Variants in GRIN3B observed in about 807,000 individuals in gnomAD.
The protein encoded by GRIN3B is glutamate ionotropic receptor NMDA type subunit 3B.
Under a neutral mutation model 66.0 loss-of-function variants are expected in GRIN3B, and 77 were observed. The observed-to-expected ratio is 1.17, with a 90% CI of 0.97 to 1.41. The LOEUF is 1.41. Ranked by LOEUF, GRIN3B falls within the 40% of genes most tolerant of loss-of-function variation. The probability of loss-of-function intolerance (pLI) is 0.00; values close to 1 mark genes in which losing one functional copy is unlikely to be tolerated. For synonymous variants in GRIN3B, 823 were observed against 749.7 expected (o/e 1.10, Z -1.60); for missense variants, 1,787 against 1,564.5 (o/e 1.14, Z -2.40).
At chr19:1,003,077 G>C (rs867001378) in intron 1 of GRIN3B, 53 bp from the exon 2 acceptor site, 2 of 1,281,268 alleles carry the variant, frequency 1.6e-6, no homozygotes, top group Non-Finnish European at 2.1e-6. Flanking sequence ...GGGTGGGAAG[G>C]GTTTTGTGGG....
rs748523885 is a variant in GRIN3B, at chr19:1,007,681, C to G, written c.2106C>G (p.Ala702=). 16 of 1,535,746 alleles carry G rather than the reference C, an allele frequency of 1.0e-5. No homozygotes were observed. Among genetic ancestry groups the G allele is most frequent in the South Asian group, 9.7e-5 (8 of 82,324 alleles). ...FRFGTVWESS[A]EAYIKKSFPD... ...TCGGCACCGTGTGGGAGAGCAGCGCCGAGGCGTACATCAAGAAGAGCTTCC... is the reference window on the plus strand; with the variant it reads ...TCGGCACCGTGTGGGAGAGCAGCGCGGAGGCGTACATCAAGAAGAGCTTCC... The change falls in exon 4 of 9, where the codon GCC becomes GCG. Residue 702 remains alanine (A), a synonymous_variant. Coordinates refer to ENST00000234389, the MANE Select transcript of GRIN3B (RefSeq NM_138690.3). The surrounding 1 kb of genome is among the most constrained non-coding windows in gnomAD (Gnocchi z 4.4).
At position 1,005,257 on chromosome 19, in the gene GRIN3B, C is replaced by T. The variant is rs1284079631; in HGVS notation, c.1756C>T (p.His586Tyr). 5 of 1,613,530 alleles carry T rather than the reference C, an allele frequency of 3.1e-6. 1 individual carries two copies. The South Asian group carries it at 3.3e-5, about 11-fold the overall frequency. Reference protein sequence around the residue: ...STWLGVFAALHLTALFLTVYE... With the variant: ...STWLGVFAALYLTALFLTVYE... Reference sequence around the variant, plus strand: ...GTGGCTGGGCGTCTTTGCGGCCCTGCACCTCACCGCGCTCTTCCTCACCGT... The same window carrying T: ...GTGGCTGGGCGTCTTTGCGGCCCTGTACCTCACCGCGCTCTTCCTCACCGT... Residue 586 changes from histidine (H) to tyrosine (Y), a missense_variant, in exon 3 of 9, where the codon CAC becomes TAC. Transcript: ENST00000234389. The surrounding 1 kb of genome is among the most constrained non-coding windows in gnomAD (Gnocchi z 5.2).
At position 1,005,314 on chromosome 19, in the gene GRIN3B, C is replaced by T; in HGVS notation, c.1813C>T (p.Pro605Ser). ...YEWRSPYGLT[P>S]RGRNRSTVFS... is the part of the protein sequence containing the mutation. ...GTGGCGTAGCCCCTACGGCCTCACG[C>T]CACGTGGCCGCAACCGCAGCACCGT... Residue 605 changes from proline (P) to serine (S), a missense_variant, in exon 3 of 9, where the codon CCA (proline) becomes TCA (serine). Physicochemically the swap from Pro to Ser is moderately conservative, Grantham distance 74 (BLOSUM62 -1). Coordinates refer to ENST00000234389, the MANE Select transcript of GRIN3B (RefSeq NM_138690.3). The surrounding 1 kb of genome is among the most constrained non-coding windows in gnomAD (Gnocchi z 5.2). 1 of 1,613,678 alleles carries T rather than the reference C, an allele frequency of 6.2e-7. No homozygotes were observed.
intron 2 of GRIN3B, 69 bp from the exon 3 acceptor site, chr19:1,004,452 C>A: frequency 7.3e-7 from 1 of 1,368,690 alleles, no homozygotes; most frequent in Non-Finnish European, 1.0e-6. Context: ...CGGGCACGTG[C>A]TGGGCAGGGG....
Position 1,007,630 on chromosome 19 carries a change from G to A in GRIN3B, c.2055G>A (p.Leu685=). 2 of 1,506,256 alleles carry A rather than the reference G, an allele frequency of 1.3e-6. No individual in the cohort carries two copies. The highest frequency in any genetic ancestry group is 1.8e-6 in the Non-Finnish European group (2 of 1,130,880). 93.3% of individuals were successfully genotyped at this position (1,506,256 alleles called of 1,614,324 possible). A position where few individuals can be genotyped will look rare whatever the true frequency, so the allele number is the denominator to read the frequency against. The change falls in exon 4 of 9, where the codon CTG becomes CTA. Residue 685 remains leucine (L), a splice_region_variant and synonymous_variant. Coordinates refer to ENST00000234389, the MANE Select transcript of GRIN3B (RefSeq NM_138690.3). The surrounding 1 kb of genome is among the most constrained non-coding windows in gnomAD (Gnocchi z 4.4). The part of the protein sequence containing the change: ...EELSGIHDPK[L]HHPAQGFRFG... The stretch of plus-strand genomic sequence containing the variant: ...CGCTGACGGGGTCCCCCGCGCAGCT[G>A]CACCACCCGGCGCAGGGCTTCCGCT...
rs1225734091 is a variant in GRIN3B, at chr19:1,007,451, G to C, written c.2053-177G>C. Reference sequence around the variant, plus strand: ...GGACCCTGGACAGTGTGTGTCTAGAGACAGCTGTGGTGGTCACGCCTGGGG... The same window carrying C: ...GGACCCTGGACAGTGTGTGTCTAGACACAGCTGTGGTGGTCACGCCTGGGG... On this transcript the variant is annotated intron_variant, in intron 3 of 8. Coordinates refer to ENST00000234389, the MANE Select transcript of GRIN3B (RefSeq NM_138690.3). The surrounding 1 kb of genome is among the most constrained non-coding windows in gnomAD (Gnocchi z 4.4). Among the ~76,000 whole-genome samples the C allele has an allele frequency of 6.6e-6, 1 of 152,048 alleles. No homozygotes were observed. Among genetic ancestry groups the C allele is most frequent in the African/African-American group, 2.4e-5 (1 of 41,392 alleles).
chr19:1,004,590 C>A lies in GRIN3B; in HGVS notation c.1089C>A (p.His363Gln). 6.2e-7 allele frequency: 1 copy of A among 1,608,106 alleles called. No individual in the cohort carries two copies. The highest frequency in any genetic ancestry group is 8.5e-7 in the Non-Finnish European group (1 of 1,177,932). The change falls in exon 3 of 9, where the codon CAC (histidine) becomes CAA (glutamine). Residue 363 changes from histidine to glutamine, a missense_variant. By Grantham distance (24) the His-to-Gln change is conservative. Transcript: ENST00000234389. ...GGGTGACAGGCAGCTCCCAGGTACA[C>A]ATGTCTCGGCACTTTAAGGTGTGGA... Reference protein sequence around the residue: ...PVWVTGSSQVHMSRHFKVWSL... With the variant: ...PVWVTGSSQVQMSRHFKVWSL...
Position 1,007,783 on chromosome 19 carries a change from G to A in GRIN3B, c.2198+10G>A. 1 of 1,512,916 alleles carries A rather than the reference G, an allele frequency of 6.6e-7. No homozygotes were observed. The highest frequency in any genetic ancestry group is 2.2e-5 in the Admixed American group (1 of 45,506). The allele number at this position is 1,512,916 out of a possible 1,614,324, so 93.7% of individuals were successfully genotyped here. A position where few individuals can be genotyped will look rare whatever the true frequency, so the allele number is the denominator to read the frequency against. On this transcript the variant is annotated intron_variant, in intron 4 of 8. Transcript: ENST00000234389. This position sits in a 1 kb window ranked among gnomAD's most constrained non-coding sequence, Gnocchi z 4.4. ...GCGTCGCCATGCTCACGTGAGCCCG[G>A]GCGCGGGGTGAGGCGGGGGCGGGGC...
Position 1,003,487 on chromosome 19 carries a change from A to T in GRIN3B, c.784A>T (p.Thr262Ser). The T allele has an allele frequency of 6.5e-7, 1 of 1,537,240 alleles. No homozygotes were observed. The highest frequency in any genetic ancestry group is 8.7e-7 in the Non-Finnish European group (1 of 1,146,612). The change falls in exon 2 of 9, where the codon ACA becomes TCA. Residue 262 changes from threonine to serine, a missense_variant. Transcript: ENST00000234389. ...TCCCGGCCCCCACTGGCTGTTGGGG[A>T]CACCACTGCCGCCCAAGGCCCTGCC... The part of the protein sequence containing the change: ...VPPGPHWLLG[T>S]PLPPKALPTA...
In GRIN3B at chr19:1,000,510, C is replaced by G; in HGVS notation, c.73C>G (p.Gln25Glu). The change falls in exon 1 of 9, where the codon CAG becomes GAG. Residue 25 changes from glutamine (Q) to glutamate (E), a missense_variant. Gln to Glu is a conservative substitution (Grantham distance 29). Transcript: ENST00000234389. ...GCCGGGGTCCGCGGGGGGCCACCCT[C>G]AGCCGTGCGGCGTCCTGGCGCGCCT... ...LGPGSAGGHP[Q>E]PCGVLARLGG... The G allele has an allele frequency of 3.4e-6, 4 of 1,193,540 alleles. No homozygotes were observed. Among genetic ancestry groups the G allele is most frequent in the Middle Eastern group, 2.9e-4 (1 of 3,450 alleles). The allele number at this position is 1,193,540 out of a possible 1,614,324, so 73.9% of individuals were successfully genotyped here. A position where few individuals can be genotyped will look rare whatever the true frequency, so the allele number is the denominator to read the frequency against.
chr19:1,001,413 A>C (rs2038683129), intron 1 of GRIN3B, among the ~76,000 whole-genome samples: 2 of 150,824 alleles, frequency 1.3e-5, no homozygotes, highest in African/African-American at 2.4e-5. Flanking sequence ...CATCATTCCA[A>C]CCCCGACTCC....
At position 1,009,583 on chromosome 19, in the gene GRIN3B, G is replaced by C. The variant is rs540917137; in HGVS notation, c.3113G>C (p.Arg1038Pro). 6 of 1,442,626 alleles carry C rather than the reference G, an allele frequency of 4.2e-6. No individual in the cohort carries two copies. The highest frequency in any genetic ancestry group is 2.4e-4 in the Middle Eastern group (1 of 4,128). 89.4% of individuals were successfully genotyped at this position (1,442,626 alleles called of 1,614,324 possible). The change falls in exon 9 of 9, where the codon CGA (arginine) becomes CCA (proline). Residue 1038 changes from arginine (R) to proline (P), a missense_variant. Coordinates refer to ENST00000234389, the MANE Select transcript of GRIN3B (RefSeq NM_138690.3). ...APAEAPPHSGRPGSQE is the reference protein window; with the variant it reads ...APAEAPPHSGPPGSQE ...GCGGAGGCCCCACCACACTCTGGCC[G>C]ACCGGGGAGCCAGGAATGAGGCGGC...
chr19:1,004,282 G>A (rs897139435), intron 2 of GRIN3B, among the ~76,000 whole-genome samples: 1 of 152,202 alleles, frequency 6.6e-6, no homozygotes, highest in African/African-American at 2.4e-5. Flanking sequence ...GTGCTTGTGT[G>A]TCAGTCACTG....
In GRIN3B at chr19:1,009,588, G is replaced by A; in HGVS notation, c.3118G>A (p.Gly1040Arg). ...GGCCCCACCACACTCTGGCCGACCGGGGAGCCAGGAATGAGGCGGCAGCCG... is the reference window on the plus strand; with the variant it reads ...GGCCCCACCACACTCTGGCCGACCGAGGAGCCAGGAATGAGGCGGCAGCCG... ...AEAPPHSGRP[G>R]SQE The change falls in exon 9 of 9, where the codon GGG (glycine) becomes AGG (arginine). Residue 1040 changes from glycine (G) to arginine (R), a missense_variant. By Grantham distance (125) the Gly-to-Arg change is moderately radical (BLOSUM62 -2). Transcript: ENST00000234389. 1.4e-6 allele frequency: 2 copies of A among 1,438,664 alleles called. No individual in the cohort carries two copies. The highest frequency in any genetic ancestry group is 2.8e-5 in the South Asian group (2 of 71,196). The allele number at this position is 1,438,664 out of a possible 1,614,324, so 89.1% of individuals were successfully genotyped here.
At chr19:1,003,009 A>G (rs1599455479) in intron 1 of GRIN3B, 121 bp from the exon 2 acceptor site, 2 of 592,568 alleles carry the variant, frequency 3.4e-6, no homozygotes, top group Non-Finnish European at 5.6e-6. Context: ...GGCTGGGGGG[A>G]GGTGGAGGGG....
rs762844769 is a variant in GRIN3B at position 1,005,003 on chromosome 19, G to A, written c.1502G>A (p.Gly501Asp). 18 of 1,612,082 alleles carry A rather than the reference G, an allele frequency of 1.1e-5. No individual in the cohort carries two copies. The Admixed American group carries it at 2.7e-4, about 24-fold the overall frequency. The change falls in exon 3 of 9, where the codon GGT becomes GAT. Residue 501 changes from glycine to aspartate, a missense_variant. By Grantham distance (94) the Gly-to-Asp change is moderately conservative. Coordinates refer to ENST00000234389, the MANE Select transcript of GRIN3B (RefSeq NM_138690.3). The surrounding 1 kb of genome is among the most constrained non-coding windows in gnomAD (Gnocchi z 5.2). ...TTCGACTTCGAGCTGTACCTCGTGGGTGACGGCAAGTACGGCGCCCTGCGG... is the reference window on the plus strand; with the variant it reads ...TTCGACTTCGAGCTGTACCTCGTGGATGACGGCAAGTACGGCGCCCTGCGG... ...TPFDFELYLV[G>D]DGKYGALRDG... is the part of the protein sequence containing the mutation.
chr19:1,004,499 A>ACGCCCC, intron 2 of GRIN3B, 22 bp from the exon 3 acceptor site: 1 of 1,526,584 alleles, frequency 6.6e-7, no homozygotes. Context: ...GACACCTGAC[A>ACGCCCC]CCCCCCCCGC....
rs1599463512 is a variant in GRIN3B at position 1,009,065 on chromosome 19, C to T, written c.2703-108C>T. 59 of 1,442,402 alleles carry T rather than the reference C, an allele frequency of 4.1e-5. No individual in the cohort carries two copies. The South Asian group carries it at 7.8e-4, about 19-fold the overall frequency. The allele number at this position is 1,442,402 out of a possible 1,614,324, so 89.4% of individuals were successfully genotyped here. Reference sequence around the variant, plus strand: ...ACCCCCGGACGTGCACACCGTGGCTCCCTGGTTGTGCCTGTCGGCCATCCT... The same window carrying T: ...ACCCCCGGACGTGCACACCGTGGCTTCCTGGTTGTGCCTGTCGGCCATCCT... On this transcript the variant is annotated intron_variant, in intron 8 of 8. Coordinates refer to ENST00000234389, the MANE Select transcript of GRIN3B (RefSeq NM_138690.3).
rs749668696 is a variant in GRIN3B at position 1,005,502 on chromosome 19, C to G, written c.2001C>G (p.Val667=). The G allele has an allele frequency of 3.1e-6, 5 of 1,612,938 alleles. No individual in the cohort carries two copies. In the South Asian group the frequency reaches 5.5e-5, roughly 18 times the overall value. Residue 667 remains valine, a synonymous_variant, in exon 3 of 9, where the codon GTC becomes GTG. Transcript: ENST00000234389. This position sits in a 1 kb window ranked among gnomAD's most constrained non-coding sequence, Gnocchi z 5.2. ...GCTACACGGCCAACCTGGCTGCCGT[C>G]ATGGTCGGGGACAAGACCTTCGAGG... is the stretch of plus-strand genomic sequence containing the variant. The part of the protein sequence containing the change: ...LSSYTANLAA[V]MVGDKTFEEL...
Sources: gnomAD v4.1 joint callset for allele counts (sites outside exome capture counted in the v4.1 genomes callset) on GRCh38, gnomAD v4.1.1 for gene constraint, Gnocchi (gnomAD v3.1) non-coding constraint, MANE v1.5 for transcripts, NCBI Gene and HGNC (gene_info 2026-07-23, HGNC 2026-07-21) for gene names.